Variants in ITGBL1 observed in about 807,000 individuals in gnomAD.
The protein encoded by ITGBL1 is integrin beta-like protein 1.
A neutral mutation model predicts 68.5 loss-of-function variants in ITGBL1; 51 were observed. The observed-to-expected ratio is 0.74, with a 90% confidence interval of 0.59 to 0.94. The LOEUF (loss-of-function observed/expected upper bound fraction) is 0.94, where lower values mean the gene tolerates loss of function less well. ITGBL1 is among the 40% of genes least tolerant of loss of function. The pLI is 0.00. For missense variants in ITGBL1, 649 were observed against 647.4 expected (o/e 1.00, Z -0.03); for synonymous variants, 209 against 227.3 (o/e 0.92, Z 0.72).
intron 7 of ITGBL1, among the ~76,000 whole-genome samples, chr13:101,599,906 A>T (rs2030245838): frequency 6.6e-6 from 1 of 152,074 alleles, no homozygotes; most frequent in Admixed American, 6.6e-5. Context: ...CTTAGGATTG[A>T]CTTGGCAATG....
At chr13:101,598,324 C>G in intron 7 of ITGBL1, 25 bp downstream of exon 7, 1 of 1,544,326 alleles carries the variant, frequency 6.5e-7, no homozygotes, top group Non-Finnish European at 8.7e-7. Context: ...TCAGGGCTTC[C>G]CACGGCCTCT....
chr13:101,709,188 A>T (rs1213045120), intron 9 of ITGBL1, among the ~76,000 whole-genome samples: 3 of 150,466 alleles, frequency 2.0e-5, no homozygotes, highest in African/African-American at 7.4e-5. Flanking sequence ...ACAAGGTGAA[A>T]CCCCGTCTCT....
rs571655310 is a variant in ITGBL1 at position 101,569,120 on chromosome 13, A to G, written c.463+1275A>G. On this transcript the variant is annotated intron_variant, in intron 3 of 10. Transcript: ENST00000376180. ...CCCACCCCTCCATACACACACACACACGCGCACGCGCGCGCATGCCCCATA... is the reference window on the plus strand; with the variant it reads ...CCCACCCCTCCATACACACACACACGCGCGCACGCGCGCGCATGCCCCATA... 6.5e-4 allele frequency among the ~76,000 whole-genome samples: 98 copies of G among 151,440 alleles called. 1 individual carries two copies. The highest frequency in any genetic ancestry group is 2.3e-3 in the South Asian group (11 of 4,796).
At chr13:101,687,105 A>C (rs994978498) in intron 7 of ITGBL1, among the ~76,000 whole-genome samples, 2 of 152,038 alleles carry the variant, frequency 1.3e-5, no homozygotes, top group Non-Finnish European at 2.9e-5. Flanking sequence ...AATTTTGGTG[A>C]TATAATCATT....
Position 101,607,603 on chromosome 13 carries a change from A to G in ITGBL1, c.1015+9304A>G, listed in dbSNP as rs375522938. Among the ~76,000 whole-genome samples the G allele has an allele frequency of 5.9e-5, 9 of 152,076 alleles. 1 individual carries two copies. The highest frequency in any genetic ancestry group is 3.3e-4 in the Admixed American group (5 of 15,218). On this transcript the variant is annotated intron_variant, in intron 7 of 10. Transcript: ENST00000376180. Reference sequence around the variant, plus strand: ...GTATTAATTCTTGGATATGGAATACATAGGTTTAAATGAAAAAAAATAAGT... The same window carrying G: ...GTATTAATTCTTGGATATGGAATACGTAGGTTTAAATGAAAAAAAATAAGT...
intron 2 of ITGBL1, among the ~76,000 whole-genome samples, chr13:101,561,241 A>G (rs1231478179): frequency 1.3e-5 from 2 of 152,138 alleles, no homozygotes; most frequent in Non-Finnish European, 2.9e-5. Flanking sequence ...TATAAATCCT[A>G]CTGAGCTCTC....
At chr13:101,705,388 T>G (rs3783229) in intron 8 of ITGBL1, among the ~76,000 whole-genome samples, 23,229 of 150,882 alleles carry the variant, frequency 0.15, 2,245 homozygotes, top group Non-Finnish European at 0.23. Context: ...ATCAAAAACC[T>G]TTTCACCACA....
At chr13:101,590,553 T>A (rs749034925) in intron 6 of ITGBL1, among the ~76,000 whole-genome samples, 1 of 152,204 alleles carries the variant, frequency 6.6e-6, no homozygotes, top group African/African-American at 2.4e-5. Flanking sequence ...CATTAAACTT[T>A]CAAGAGTGGA....
chr13:101,527,635 A>G (rs910100940), intron 2 of ITGBL1, among the ~76,000 whole-genome samples: 4 of 152,008 alleles, frequency 2.6e-5, no homozygotes, highest in African/African-American at 9.7e-5. Context: ...AATCCTCAAC[A>G]ATGTCTGGGA....
intron 7 of ITGBL1, among the ~76,000 whole-genome samples, chr13:101,673,867 T>C (rs1260090646): frequency 3.3e-5 from 5 of 152,182 alleles, no homozygotes; most frequent in African/African-American, 9.6e-5. Flanking sequence ...GGTTTCATAC[T>C]GACTCCTAAT....
At chr13:101,643,771 T>A (rs1344638583) in intron 7 of ITGBL1, among the ~76,000 whole-genome samples, 1 of 152,102 alleles carries the variant, frequency 6.6e-6, no homozygotes, top group African/African-American at 2.4e-5. Context: ...CACTTCTCTA[T>A]CCCCTCACCT....
At chr13:101,689,677 T>C (rs971381164) in intron 7 of ITGBL1, among the ~76,000 whole-genome samples, 2 of 152,132 alleles carry the variant, frequency 1.3e-5, no homozygotes, top group African/African-American at 4.8e-5. Flanking sequence ...TGCAATAAAT[T>C]AGCCTTTCCT....
intron 8 of ITGBL1, among the ~76,000 whole-genome samples, chr13:101,700,387 T>A (rs1406251911): frequency 6.6e-6 from 1 of 152,176 alleles, no homozygotes; most frequent in Admixed American, 6.5e-5. Flanking sequence ...CCAAAATAGA[T>A]TTCCATGTAC....
chr13:101,543,386 C>T (rs984939471), intron 2 of ITGBL1, among the ~76,000 whole-genome samples: 2 of 152,120 alleles, frequency 1.3e-5, no homozygotes, highest in African/African-American at 2.4e-5. Context: ...AATATTGGCC[C>T]CCACCCTCTT....
chr13:101,643,892 A>G (rs1051113392), intron 7 of ITGBL1, among the ~76,000 whole-genome samples: 11 of 152,208 alleles, frequency 7.2e-5, no homozygotes, highest in African/African-American at 2.4e-4. Flanking sequence ...CAACTTCTCA[A>G]TGAATACCAA....
intron 2 of ITGBL1, among the ~76,000 whole-genome samples, chr13:101,559,691 A>C (rs1290702430): frequency 1.3e-5 from 2 of 152,208 alleles, no homozygotes; most frequent in East Asian, 3.9e-4. Context: ...ATAGCTTTTG[A>C]GCTTACCAGC....
At chr13:101,464,851 C>T (rs1327575307) in intron 2 of ITGBL1, among the ~76,000 whole-genome samples, 3 of 152,104 alleles carry the variant, frequency 2.0e-5, no homozygotes, top group African/African-American at 7.2e-5. Context: ...TTCTGGTAGA[C>T]CACTACCTGC....
intron 2 of ITGBL1, among the ~76,000 whole-genome samples, chr13:101,512,268 C>T (rs532571736): frequency 3.9e-5 from 6 of 152,140 alleles, no homozygotes; most frequent in South Asian, 2.1e-4. Context: ...CCTCACTTCT[C>T]GCTTATTTCT....
At chr13:101,487,653 T>C (rs1469966810) in intron 2 of ITGBL1, among the ~76,000 whole-genome samples, 1 of 152,192 alleles carries the variant, frequency 6.6e-6, no homozygotes, top group Non-Finnish European at 1.5e-5. Context: ...TAAGCCCCTT[T>C]TCCGAAGTGC....
Sources: gnomAD v4.1 joint callset for allele counts (sites outside exome capture counted in the v4.1 genomes callset) on GRCh38, gnomAD v4.1.1 for gene constraint, MANE v1.5 for transcripts, NCBI Gene and HGNC (gene_info 2026-07-23, HGNC 2026-07-21) for gene names.